The following MAP7 variants were observed in gnomAD, a reference collection of about 807,000 sequenced individuals.
MAP7 encodes ensconsin.
A neutral mutation model predicts 94.8 loss-of-function variants in MAP7; 52 were observed. That is an observed-to-expected ratio of 0.55 (90% CI 0.44 to 0.69). The LOEUF (loss-of-function observed/expected upper bound fraction) is 0.69, where lower values mean the gene tolerates loss of function less well. Among genes scored for constraint, MAP7 ranks in the 30% least tolerant of loss-of-function variants. The pLI is 0.00. For missense variants in MAP7, 940 were observed against 964.6 expected, an observed-to-expected ratio of 0.97 and a Z score of 0.34; for synonymous variants, 350 against 357.0, an observed-to-expected ratio of 0.98 and a Z score of 0.22.
chr6:136,452,050 C>T (rs1036134742), intron 1 of MAP7, among the ~76,000 whole-genome samples: 2 of 151,998 alleles, frequency 1.3e-5, no homozygotes, highest in Admixed American at 6.6e-5. Flanking sequence ...AAAAATTAGC[C>T]GGGCATGGTG....
At chr6:136,513,807 G>A (rs773404947) in intron 1 of MAP7, among the ~76,000 whole-genome samples, 3 of 152,148 alleles carry the variant, frequency 2.0e-5, no homozygotes, top group Non-Finnish European at 2.9e-5. Context: ...AGGGGATCAC[G>A]GCCCATTGTT....
chr6:136,369,679 C>G (rs961506175), intron 8 of MAP7, among the ~76,000 whole-genome samples: 2 of 152,104 alleles, frequency 1.3e-5, no homozygotes, highest in Admixed American at 6.6e-5. Context: ...AGGACATTCT[C>G]TTCAACAAAT....
intron 3 of MAP7, among the ~76,000 whole-genome samples, chr6:136,393,374 G>A (rs1003088253): frequency 1.3e-5 from 2 of 152,118 alleles, no homozygotes; most frequent in Non-Finnish European, 2.9e-5. Flanking sequence ...GGAACTGTGT[G>A]GGGGGAAGGG....
chr6:136,501,103 A>G (rs1819710974), intron 1 of MAP7, among the ~76,000 whole-genome samples: 1 of 152,198 alleles, frequency 6.6e-6, no homozygotes, highest in African/African-American at 2.4e-5. Context: ...AAAGAATAAT[A>G]TTATTTCCAA....
chr6:136,455,521 C>T (rs1284190320), intron 1 of MAP7, among the ~76,000 whole-genome samples: 1 of 152,094 alleles, frequency 6.6e-6, no homozygotes, highest in South Asian at 2.1e-4. Flanking sequence ...CACCTCAGAG[C>T]AGCAGAAGTG....
chr6:136,403,240 T>C (rs548347307), intron 3 of MAP7, among the ~76,000 whole-genome samples: 10 of 152,200 alleles, frequency 6.6e-5, no homozygotes, highest in Admixed American at 1.3e-4. Flanking sequence ...TGTGGAATCA[T>C]ATGACCTGCC....
At chr6:136,448,475 C>T (rs1389471133) in intron 1 of MAP7, among the ~76,000 whole-genome samples, 4 of 150,768 alleles carry the variant, frequency 2.7e-5, no homozygotes, top group South Asian at 2.1e-4. Context: ...AGTGCAGTGG[C>T]GCAATCTCAG....
intron 16 of MAP7, among the ~76,000 whole-genome samples, chr6:136,356,072 T>C (rs866222399): frequency 5.3e-5 from 8 of 152,360 alleles, no homozygotes; most frequent in Non-Finnish European, 1.0e-4. Context: ...ATATTATGCA[T>C]GGCTAAAATG....
chr6:136,404,016 G>T (rs1451532005), intron 3 of MAP7, among the ~76,000 whole-genome samples: 1 of 152,164 alleles, frequency 6.6e-6, no homozygotes, highest in Non-Finnish European at 1.5e-5. Context: ...TAGATATTTG[G>T]ATTAGAAAGA....
intron 5 of MAP7, among the ~76,000 whole-genome samples, chr6:136,385,991 G>A (rs888397099): frequency 6.6e-6 from 1 of 151,978 alleles, no homozygotes; most frequent in Non-Finnish European, 1.5e-5. Flanking sequence ...GGCTGGTCTC[G>A]AACTCCTGAC....
chr6:136,390,122 T>G (rs992477484), intron 3 of MAP7, among the ~76,000 whole-genome samples: 6 of 152,184 alleles, frequency 3.9e-5, no homozygotes, highest in African/African-American at 1.4e-4. Flanking sequence ...CAATCCAAAA[T>G]TATCGTTCAA....
intron 8 of MAP7, among the ~76,000 whole-genome samples, chr6:136,370,797 A>C (rs1483525454): frequency 2.0e-5 from 3 of 152,070 alleles, no homozygotes; most frequent in African/African-American, 4.8e-5. Context: ...ATAGAGTTTG[A>C]GTTTTGCAGG....
chr6:136,358,086 A>G (rs561710246), intron 15 of MAP7, among the ~76,000 whole-genome samples: 1 of 152,326 alleles, frequency 6.6e-6, no homozygotes, highest in South Asian at 2.1e-4. Context: ...GCTAATCCTC[A>G]AGCCTCCTTT....
At chr6:136,536,369 G>T (rs1376034709) in intron 1 of MAP7, among the ~76,000 whole-genome samples, 1 of 152,058 alleles carries the variant, frequency 6.6e-6, no homozygotes, top group Admixed American at 6.5e-5. Context: ...TAAGCACTCA[G>T]GGGACACTAC....
rs1406175719 is a variant in MAP7, at chr6:136,425,096, C to T, written c.68-3297G>A. Among the ~76,000 whole-genome samples the T allele has an allele frequency of 2.6e-5, 4 of 152,164 alleles. No homozygotes were observed. In the East Asian group the frequency reaches 5.8e-4, roughly 22 times the overall value. On this transcript the variant is annotated intron_variant, in intron 1 of 17. Coordinates refer to ENST00000354570, the MANE Select transcript of MAP7 (RefSeq NM_003980.6). ...TCCTATGTGACTGACAGGTGTGCAG[C>T]GACTACAGTGTGGATCCACTGGACA...
At chr6:136,422,788 C>T (rs1791790897) in intron 1 of MAP7, among the ~76,000 whole-genome samples, 3 of 152,142 alleles carry the variant, frequency 2.0e-5, no homozygotes, top group Admixed American at 2.0e-4. Flanking sequence ...TAATTCCTAA[C>T]TCTTAGGTTG....
rs149558658 is a variant in MAP7, at chr6:136,423,334, C to T, written c.68-1535G>A. Among the ~76,000 whole-genome samples, 638 of 152,272 alleles carry T rather than the reference C, an allele frequency of 4.2e-3. 6 individuals carry two copies. The highest frequency in any genetic ancestry group is 0.015 in the African/African-American group (612 of 41,554). On this transcript the variant is annotated intron_variant, in intron 1 of 17. Transcript: ENST00000354570. ...TACTTTCAGAGCTGTAAAAATTAAA[C>T]GAGATAACGTACAGAAAGGTAGTTC...
intron 1 of MAP7, among the ~76,000 whole-genome samples, chr6:136,511,094 T>C (rs1005917399): frequency 6.6e-6 from 1 of 152,094 alleles, no homozygotes. Context: ...CTTATGGCAG[T>C]GGAGTGAGAA....
intron 1 of MAP7, among the ~76,000 whole-genome samples, chr6:136,422,113 T>TG (rs1791566138): frequency 6.6e-6 from 1 of 152,244 alleles, no homozygotes; most frequent in African/African-American, 2.4e-5. Context: ...TCTAAAGTCT[T>TG]GGATCTGAGT....
Sources: allele counts gnomAD v4.1 joint callset (sites outside exome capture counted in the v4.1 genomes callset), GRCh38; gene constraint gnomAD v4.1.1; transcripts MANE v1.5; gene names NCBI Gene and HGNC (gene_info 2026-07-23, HGNC 2026-07-21).